Variants in SLC25A27 observed in about 807,000 individuals in gnomAD.
SLC25A27 encodes the protein mitochondrial uncoupling protein 4.
In SLC25A27, 35 loss-of-function variants were observed where a neutral mutation model predicts 49.1. That is an observed-to-expected ratio of 0.71 (90% CI 0.54 to 0.95). The LOEUF (loss-of-function observed/expected upper bound fraction) is 0.95. SLC25A27 is among the 40% of genes least tolerant of loss of function. The pLI, the probability that SLC25A27 is intolerant of heterozygous loss-of-function variation, is 0.00. For synonymous variants in SLC25A27, 144 were observed against 136.9 expected, an observed-to-expected ratio of 1.05 and a Z score of -0.36; for missense variants, 339 against 397.1, an observed-to-expected ratio of 0.85 and a Z score of 1.24.
In SLC25A27 at chr6:46,653,045, T is replaced by G. The variant is rs1762806375; in HGVS notation, c.-148T>G. On this transcript the variant is annotated 5_prime_UTR_variant, in exon 1 of 9. Transcript: ENST00000371347. ...CTGGGACTGCTAGGAAGGTTGCGGG[T>G]CCACCCGGCCGAGCCGAACGAGGGA... 2.8e-6 allele frequency: 2 copies of G among 713,074 alleles called. No homozygotes were observed. The highest frequency in any genetic ancestry group is 2.4e-6 in the Non-Finnish European group (1 of 424,318). 44.2% of individuals were successfully genotyped at this position (713,074 alleles called of 1,614,324 possible).
At position 46,678,103 on chromosome 6, in the gene SLC25A27, G is replaced by A. The variant is rs771769929; in HGVS notation, c.*1649G>A. 1.0e-4 allele frequency: 14 copies of A among 135,290 alleles called. No individual in the cohort carries two copies. The highest frequency in any genetic ancestry group is 1.9e-4 in the Non-Finnish European group (12 of 64,028). 8.4% of individuals were successfully genotyped at this position (135,290 alleles called of 1,614,324 possible). On this transcript the variant is annotated 3_prime_UTR_variant, in exon 9 of 9. Coordinates refer to ENST00000371347, the MANE Select transcript of SLC25A27 (RefSeq NM_004277.5). ...AAGTGTTCTGCATTGAACCACTTAG[G>A]GAAAATTTTGTTTGTTTTTATGTTT...
chr6:46,664,189 T>C (rs978815816), intron 4 of SLC25A27, among the ~76,000 whole-genome samples: 6 of 152,244 alleles, frequency 3.9e-5, no homozygotes, highest in African/African-American at 1.4e-4. Context: ...GAAGTTTTCA[T>C]ATTTGTTTAT....
intron 3 of SLC25A27, among the ~76,000 whole-genome samples, chr6:46,660,753 C>T (rs1165340807): frequency 6.6e-6 from 1 of 152,136 alleles, no homozygotes; most frequent in Non-Finnish European, 1.5e-5. Context: ...TGTAGAGTTT[C>T]ACCTTTCAGG....
At chr6:46,672,137 C>A (rs1382647403) in intron 8 of SLC25A27, among the ~76,000 whole-genome samples, 1 of 151,956 alleles carries the variant, frequency 6.6e-6, no homozygotes, top group Non-Finnish European at 1.5e-5. Context: ...ATTGAGTAAA[C>A]CTCCCTGGAG....
chr6:46,658,358 T>G (rs1330814883), intron 2 of SLC25A27: 1 of 222,248 alleles, frequency 4.5e-6, no homozygotes, highest in Non-Finnish European at 9.1e-6. Flanking sequence ...ATTTTCTGCT[T>G]TGCATCCCAT....
At chr6:46,667,259 G>C (rs1218398405) in intron 5 of SLC25A27, among the ~76,000 whole-genome samples, 1 of 151,934 alleles carries the variant, frequency 6.6e-6, no homozygotes, top group East Asian at 1.9e-4. Flanking sequence ...TGATCCTGTT[G>C]ATTCTTCAAA....
At chr6:46,668,245 CAAG>C (rs1418258608) in intron 5 of SLC25A27, among the ~76,000 whole-genome samples, 2 of 152,048 alleles carry the variant, frequency 1.3e-5, no homozygotes, top group Non-Finnish European at 2.9e-5. Context: ...GGCTGAGGCA[CAAG>C]AATCACTTGA....
Position 46,676,547 on chromosome 6 carries a change from T to C in SLC25A27, c.*93T>C. On this transcript the variant is annotated 3_prime_UTR_variant, in exon 9 of 9. Transcript: ENST00000371347. ...ATACCCCCTATTATTTCTACCTCTT[T>C]AGGAAGACACCTATTCCACAGAGAC... 1 of 1,605,688 alleles carries C rather than the reference T, an allele frequency of 6.2e-7. No individual in the cohort carries two copies. Among genetic ancestry groups the C allele is most frequent in the Non-Finnish European group, 8.5e-7 (1 of 1,175,198 alleles).
chr6:46,676,607 G>C lies in SLC25A27; in HGVS notation c.*153G>C. 1 of 1,553,296 alleles carries C rather than the reference G, an allele frequency of 6.4e-7. No individual in the cohort carries two copies. Among genetic ancestry groups the C allele is most frequent in the Non-Finnish European group, 8.7e-7 (1 of 1,147,890 alleles). On this transcript the variant is annotated 3_prime_UTR_variant, in exon 9 of 9. Transcript: ENST00000371347. ...GGGGGCAGCACTTTATTTTTTTCTG[G>C]AAACCCAAGTTCTCTTTGACTCCTC... is the stretch of plus-strand genomic sequence containing the variant.
At position 46,655,493 on chromosome 6, in the gene SLC25A27, A is replaced by G. The variant is rs190896093; in HGVS notation, c.107-350A>G. Among the ~76,000 whole-genome samples the G allele has an allele frequency of 4.4e-3, 662 of 151,152 alleles. 5 individuals are homozygous for G. The highest frequency in any genetic ancestry group is 0.015 in the African/African-American group (626 of 41,206). On this transcript the variant is annotated intron_variant, in intron 1 of 8. Transcript: ENST00000371347. ...ATTAAAGTTAAATTTCTGAATAGAA[A>G]GAACCCAAGGCTTGTCATTTTAATT...
At chr6:46,665,633 C>G (rs1763301166) in intron 5 of SLC25A27, among the ~76,000 whole-genome samples, 1 of 152,054 alleles carries the variant, frequency 6.6e-6, no homozygotes, top group Admixed American at 6.6e-5. Context: ...TTGCAGTGAG[C>G]TGAGATCGCG....
chr6:46,669,590 G>C (rs774132606), intron 6 of SLC25A27, among the ~76,000 whole-genome samples: 2 of 152,244 alleles, frequency 1.3e-5, no homozygotes, highest in African/African-American at 4.8e-5. Context: ...GTGTGTGCAC[G>C]CGCATGCACA....
intron 8 of SLC25A27, among the ~76,000 whole-genome samples, chr6:46,671,948 TATA>T (rs1362611252): frequency 5.3e-5 from 8 of 151,440 alleles, no homozygotes; most frequent in Non-Finnish European, 1.0e-4. Context: ...CACAATATAT[TATA>T]ATACAATTAT....
chr6:46,662,965 T>C (rs1763209532), intron 4 of SLC25A27, among the ~76,000 whole-genome samples: 1 of 152,194 alleles, frequency 6.6e-6, no homozygotes, highest in Non-Finnish European at 1.5e-5. Context: ...CCCTTTCTCC[T>C]GCAGAAAGAG....
At chr6:46,675,437 C>T (rs1262683471) in intron 8 of SLC25A27, among the ~76,000 whole-genome samples, 1 of 152,012 alleles carries the variant, frequency 6.6e-6, no homozygotes, top group Non-Finnish European at 1.5e-5. Context: ...CTTTAAATAA[C>T]CAAGATATAT....
chr6:46,669,297 A>G (rs1164862920), intron 6 of SLC25A27, among the ~76,000 whole-genome samples: 1 of 152,248 alleles, frequency 6.6e-6, no homozygotes, highest in Non-Finnish European at 1.5e-5. Flanking sequence ...CAAAGGAGGT[A>G]GAAATAGACA....
rs374647561 is a variant in SLC25A27, at chr6:46,670,932, G to A, written c.798-194G>A. On this transcript the variant is annotated intron_variant, in intron 7 of 8. Coordinates refer to ENST00000371347, the MANE Select transcript of SLC25A27 (RefSeq NM_004277.5). The stretch of plus-strand genomic sequence containing the variant: ...TTTTTAGTAGAGATGGGGTTTCACC[G>A]TGTTAGCCAGGATGACCTCCATCTC... Among the ~76,000 whole-genome samples, 8 of 152,160 alleles carry A rather than the reference G, an allele frequency of 5.3e-5. No homozygotes were observed. The East Asian group carries it at 7.8e-4, about 15-fold the overall frequency.
chr6:46,672,934 G>A (rs1262749819), intron 8 of SLC25A27, among the ~76,000 whole-genome samples: 1 of 152,186 alleles, frequency 6.6e-6, no homozygotes, highest in Non-Finnish European at 1.5e-5. Context: ...CAAAGCCCTT[G>A]GCAATACCTG....
chr6:46,666,377 A>G (rs752491542), intron 5 of SLC25A27, among the ~76,000 whole-genome samples: 3 of 152,230 alleles, frequency 2.0e-5, no homozygotes, highest in African/African-American at 2.4e-5. Flanking sequence ...TACGTAGTCA[A>G]TAAACATTTG....
Sources: allele counts gnomAD v4.1 joint callset (sites outside exome capture counted in the v4.1 genomes callset), GRCh38; gene constraint gnomAD v4.1.1; transcripts MANE v1.5; gene names NCBI Gene and HGNC (gene_info 2026-07-23, HGNC 2026-07-21).